The following ZNHIT1 variants were observed in gnomAD, a reference collection of about 807,000 sequenced individuals.
ZNHIT1 encodes zinc finger HIT-type containing 1, also known as zinc finger HIT domain-containing protein 1.
ZNHIT1 carries 20 observed loss-of-function variants against 21.4 expected under a neutral mutation model. The ratio of observed to expected loss-of-function variants is 0.93; its 90% CI spans 0.66 to 1.36. The LOEUF is 1.36. Among genes scored for constraint, ZNHIT1 ranks in the 40% most tolerant of loss-of-function variants. The probability of loss-of-function intolerance (pLI) is 0.00; values close to 1 mark genes in which losing one functional copy is unlikely to be tolerated. For missense variants in ZNHIT1, 170 were observed against 213.5 expected, an observed-to-expected ratio of 0.80 and a Z score of 1.27; for synonymous variants, 79 against 84.0, an observed-to-expected ratio of 0.94 and a Z score of 0.32.
chr7:101,223,734 C>T lies in ZNHIT1; in HGVS notation c.335C>T (p.Pro112Leu), dbSNP rs779061089. The T allele has an allele frequency of 1.9e-6, 3 of 1,613,896 alleles. No homozygotes were observed. The highest frequency in any genetic ancestry group is 2.5e-6 in the Non-Finnish European group (3 of 1,179,948). The stretch of plus-strand genomic sequence containing the variant: ...GCCTGTGCGGGACCCCCATCGCGGC[C>T]CCAGCGCCCCTTCTGTGCTGTCTGT... ...LTACAGPPSR[P>L]QRPFCAVCGF... is the part of the protein sequence containing the mutation. The change falls in exon 4 of 5, where the codon CCC (proline) becomes CTC (leucine). Residue 112 changes from proline (P) to leucine (L), a missense_variant. Coordinates refer to ENST00000305105, the MANE Select transcript of ZNHIT1 (RefSeq NM_006349.3).
intron 2 of ZNHIT1, 117 bp downstream of exon 2, chr7:101,222,891 C>T: frequency 1.5e-6 from 2 of 1,374,288 alleles, no homozygotes; most frequent in Non-Finnish European, 2.0e-6. Context: ...GTGACTGGCT[C>T]CCATGGCTGT....
Position 101,224,155 on chromosome 7 carries a change from C to T in ZNHIT1, c.*197C>T. On this transcript the variant is annotated 3_prime_UTR_variant, in exon 5 of 5. Transcript: ENST00000305105. ...ACTGTCTGGCAGGTAGGCTGGGCCC[C>T]CCAGTGCTGTTAGAATAAAAAGCCT... 1.3e-6 allele frequency: 1 copy of T among 773,626 alleles called. No homozygotes were observed. Among genetic ancestry groups the T allele is most frequent in the South Asian group, 1.8e-5 (1 of 55,704 alleles). The allele number at this position is 773,626 out of a possible 1,614,324, so 47.9% of individuals were successfully genotyped here. A position where few individuals can be genotyped will look rare whatever the true frequency, so the allele number is the denominator to read the frequency against.
In ZNHIT1 at chr7:101,223,720, AC is replaced by A. The variant is rs1562899917; in HGVS notation, c.326del (p.Pro109HisfsTer42). On this transcript the variant is annotated frameshift_variant, in exon 4 of 5. Transcript: ENST00000305105. LOFTEE classifies it high-confidence loss of function. ...GPNYLTACAGPPSRPQRPFCA... is the reference protein window; with the variant it reads ...GPNYLTACAGXPSRPQRPFCA... Reference sequence around the variant, plus strand: ...CTAACTACCTGACGGCCTGTGCGGGACCCCCATCGCGGCCCCAGCGCCCCTT... The same window carrying A: ...CTAACTACCTGACGGCCTGTGCGGGACCCCATCGCGGCCCCAGCGCCCCTT... The A allele has an allele frequency of 6.2e-7, 1 of 1,612,392 alleles. No homozygotes were observed. The highest frequency in any genetic ancestry group is 8.5e-7 in the Non-Finnish European group (1 of 1,179,374).
In ZNHIT1 at chr7:101,223,793, G is replaced by A. The variant is rs767975071; in HGVS notation, c.394G>A (p.Gly132Ser). The A allele has an allele frequency of 1.1e-5, 17 of 1,614,012 alleles. No homozygotes were observed. Among genetic ancestry groups the A allele is most frequent in the East Asian group, 8.9e-5 (4 of 44,892 alleles). The change falls in exon 4 of 5, where the codon GGT (glycine) becomes AGT (serine). Residue 132 changes from glycine to serine, a missense_variant. Gly to Ser is a moderately conservative substitution (Grantham distance 56). Coordinates refer to ENST00000305105, the MANE Select transcript of ZNHIT1 (RefSeq NM_006349.3). ...ATCCCCCTACACCTGTGTCAGCTGC[G>A]GTGCCCGGTACTGCACTGTGCGCTG... ...FPSPYTCVSC[G>S]ARYCTVRCLG...
intron 1 of ZNHIT1, chr7:101,218,433 C>T (rs1275698977): frequency 5.3e-6 from 3 of 564,846 alleles, no homozygotes; most frequent in South Asian, 4.8e-5. Context: ...GGCCCCACGC[C>T]TGGTTAATTT....
At chr7:101,221,829 C>T (rs1221865650) in intron 1 of ZNHIT1, 3 of 152,030 alleles carry the variant, frequency 2.0e-5, no homozygotes, top group Non-Finnish European at 1.5e-5. Context: ...GGACAGGGCT[C>T]AGGTCCAAGG....
chr7:101,223,641 G>A, intron 3 of ZNHIT1, 32 bp from the exon 4 acceptor site: 1 of 1,612,840 alleles, frequency 6.2e-7, no homozygotes, highest in South Asian at 1.1e-5. Flanking sequence ...GGTGGGCGGA[G>A]GAGTTCTAGA....
At chr7:101,218,536 A>G in intron 1 of ZNHIT1, 1 of 384,896 alleles carries the variant, frequency 2.6e-6, no homozygotes, top group Non-Finnish European at 4.7e-6. Context: ...TGGGCCTTCC[A>G]AAGTGCTGGG....
Position 101,224,111 on chromosome 7 carries a change from A to C in ZNHIT1, c.*153A>C, listed in dbSNP as rs1584261689. On this transcript the variant is annotated 3_prime_UTR_variant, in exon 5 of 5. Coordinates refer to ENST00000305105, the MANE Select transcript of ZNHIT1 (RefSeq NM_006349.3). ...AACTGTGTCTTATCTGCCAGGAAAG[A>C]CCAGCCTCACTCCTGGGAACTGTCT... 8.5e-7 allele frequency: 1 copy of C among 1,177,440 alleles called. No individual in the cohort carries two copies. 72.9% of individuals were successfully genotyped at this position (1,177,440 alleles called of 1,614,324 possible).
chr7:101,223,412 T>C, intron 2 of ZNHIT1, 65 bp from the exon 3 acceptor site: 1 of 1,571,876 alleles, frequency 6.4e-7, no homozygotes, highest in Non-Finnish European at 8.7e-7. Flanking sequence ...TGGGGAGTGA[T>C]GAACCAGAGA....
Position 101,223,585 on chromosome 7 carries a change from C to T in ZNHIT1, c.273+29C>T, listed in dbSNP as rs376064372. 5.3e-5 allele frequency: 86 copies of T among 1,614,112 alleles called. 1 individual carries two copies. In the South Asian group the frequency reaches 7.0e-4, roughly 13 times the overall value. On this transcript the variant is annotated intron_variant, in intron 3 of 4. Coordinates refer to ENST00000305105, the MANE Select transcript of ZNHIT1 (RefSeq NM_006349.3). ...AGAGGAGGGTCGGCCTGGGAGGACC[C>T]CACAGGGAAGGGGTGAGCCTGGCCC...
chr7:101,222,347 C>A (rs945535590), intron 1 of ZNHIT1: 1 of 472,796 alleles, frequency 2.1e-6, no homozygotes, highest in Non-Finnish European at 3.7e-6. Flanking sequence ...GGCCGGGGCT[C>A]ACTGGCTGGG....
intron 1 of ZNHIT1, chr7:101,218,662 C>T (rs1168718795): frequency 5.7e-6 from 1 of 174,068 alleles, no homozygotes; most frequent in Non-Finnish European, 1.2e-5. Flanking sequence ...TGCTCCAAGC[C>T]GGGCGCTGGG....
At chr7:101,219,428 T>TC (rs1330638665) in intron 1 of ZNHIT1, 2 of 139,034 alleles carry the variant, frequency 1.4e-5, no homozygotes, top group Non-Finnish European at 3.1e-5. Flanking sequence ...TTTCTTTCTT[T>TC]CTTTTTTTTT....
Position 101,222,772 on chromosome 7 carries a change from CT to C in ZNHIT1, c.192del (p.Gly65GlufsTer29), listed in dbSNP as rs1798392204. Reference protein sequence around the residue: ...RLPQFDDDADTGKKKKKTRGD... With the variant: ...RLPQFDDDADXGKKKKKTRGD... ...CCTCAGTTTGATGACGATGCGGACA[CT>C]GGTGAGGCGGATGGAGGAGGAAGCG... On this transcript the variant is annotated frameshift_variant and splice_region_variant, in exon 2 of 5. Coordinates refer to ENST00000305105, the MANE Select transcript of ZNHIT1 (RefSeq NM_006349.3). LOFTEE classifies it high-confidence loss of function. The C allele has an allele frequency of 4.3e-6, 7 of 1,613,206 alleles. No homozygotes were observed. The Admixed American group carries it at 6.7e-5, about 15-fold the overall frequency.
chr7:101,222,862 G>C, intron 2 of ZNHIT1, 88 bp downstream of exon 2: 1 of 1,510,704 alleles, frequency 6.6e-7, no homozygotes, highest in Non-Finnish European at 8.9e-7. Flanking sequence ...GGACCCAGGA[G>C]CTCCTGGTGC....
chr7:101,224,162 C>A lies in ZNHIT1; in HGVS notation c.*204C>A. 1.4e-6 allele frequency: 1 copy of A among 739,324 alleles called. No homozygotes were observed. Among genetic ancestry groups the A allele is most frequent in the Non-Finnish European group, 2.2e-6 (1 of 460,974 alleles). 45.8% of individuals were successfully genotyped at this position (739,324 alleles called of 1,614,324 possible). A position where few individuals can be genotyped will look rare whatever the true frequency, so the allele number is the denominator to read the frequency against. On this transcript the variant is annotated 3_prime_UTR_variant, in exon 5 of 5. Coordinates refer to ENST00000305105, the MANE Select transcript of ZNHIT1 (RefSeq NM_006349.3). ...GGCAGGTAGGCTGGGCCCCCCAGTGCTGTTAGAATAAAAAGCCTCGTGCCG... is the reference window on the plus strand; with the variant it reads ...GGCAGGTAGGCTGGGCCCCCCAGTGATGTTAGAATAAAAAGCCTCGTGCCG...
chr7:101,220,363 C>T (rs530910523), intron 1 of ZNHIT1: 5 of 152,028 alleles, frequency 3.3e-5, no homozygotes, highest in African/African-American at 1.2e-4. Context: ...CTCAAACAAT[C>T]CACCCACCTT....
chr7:101,222,344 G>A (rs1429369545), intron 1 of ZNHIT1: 4 of 467,378 alleles, frequency 8.6e-6, no homozygotes, highest in Non-Finnish European at 1.5e-5. Flanking sequence ...CCAGGCCGGG[G>A]CTCACTGGCT....
Sources: gnomAD v4.1 joint callset for allele counts on GRCh38, gnomAD v4.1.1 for gene constraint, MANE v1.5 for transcripts, NCBI Gene and HGNC (gene_info 2026-07-23, HGNC 2026-07-21) for gene names.